Variants in EXTL3 observed in about 807,000 individuals in gnomAD.
The protein encoded by EXTL3 is exostosin-like 3.
Under a neutral mutation model 69.3 loss-of-function variants are expected in EXTL3, and 27 were observed. The observed-to-expected ratio is 0.39, with a 90% CI of 0.29 to 0.54. The LOEUF (loss-of-function observed/expected upper bound fraction) is 0.54, where lower values mean the gene tolerates loss of function less well. EXTL3 is among the 20% of genes least tolerant of loss of function. EXTL3 has a pLI of 0.69. For synonymous variants in EXTL3, 511 were observed against 499.4 expected, an observed-to-expected ratio of 1.02 and a Z score of -0.31; for missense variants, 1,003 against 1,231.8, an observed-to-expected ratio of 0.81 and a Z score of 2.78.
At chr8:28,726,308 A>T (rs1801411877) in intron 3 of EXTL3, among the ~76,000 whole-genome samples, 1 of 152,126 alleles carries the variant, frequency 6.6e-6, no homozygotes. Flanking sequence ...GCCAGAATGG[A>T]TAATAGTTGG....
At chr8:28,736,038 C>T (rs985461408) in intron 4 of EXTL3, among the ~76,000 whole-genome samples, 10 of 151,964 alleles carry the variant, frequency 6.6e-5, no homozygotes, top group Non-Finnish European at 8.8e-5. Flanking sequence ...ACAGAGTTTC[C>T]GTTTGGGAAG....
chr8:28,726,457 A>C (rs1312573697), intron 3 of EXTL3, among the ~76,000 whole-genome samples: 1 of 152,198 alleles, frequency 6.6e-6, no homozygotes, highest in Non-Finnish European at 1.5e-5. Flanking sequence ...TTGCGGCTAT[A>C]GGGAAAAGGG....
chr8:28,715,130 G>C (rs1402652273), intron 2 of EXTL3, among the ~76,000 whole-genome samples: 3 of 152,310 alleles, frequency 2.0e-5, no homozygotes, highest in South Asian at 2.1e-4. Context: ...GAGCTTTTCA[G>C]AGTCTTTTTT....
chr8:28,698,891 G>A (rs140962444), upstream of EXTL3, among the ~76,000 whole-genome samples: 163 of 152,358 alleles, frequency 1.1e-3, 1 homozygote, highest in Middle Eastern at 3.4e-3. Flanking sequence ...TTACTCGGGA[G>A]GGTGGGGCAG....
chr8:28,644,773 T>A (rs1341335811), intron 1 of EXTL3, among the ~76,000 whole-genome samples: 2 of 152,240 alleles, frequency 1.3e-5, no homozygotes, highest in Non-Finnish European at 2.9e-5. Context: ...AACTACCTAC[T>A]CTCCTACTGT....
intron 2 of EXTL3, among the ~76,000 whole-genome samples, chr8:28,615,634 C>G (rs1369294237): frequency 1.3e-5 from 2 of 152,128 alleles, no homozygotes; most frequent in African/African-American, 4.8e-5. Flanking sequence ...GTGGCTTGAT[C>G]TCAGCTCCCT....
intron 1 of EXTL3, among the ~76,000 whole-genome samples, chr8:28,670,402 T>G (rs764266920): frequency 7.9e-5 from 12 of 152,068 alleles, no homozygotes; most frequent in Admixed American, 2.0e-4. Flanking sequence ...TAGTATAGAA[T>G]TGACTCACAC....
At chr8:28,692,789 A>C (rs1200484217) in intron 1 of EXTL3, among the ~76,000 whole-genome samples, 1 of 152,184 alleles carries the variant, frequency 6.6e-6, no homozygotes, top group Non-Finnish European at 1.5e-5. Flanking sequence ...ATCTATGAAT[A>C]ACTTTTTTTT....
chr8:28,737,809 CAAT>C (rs1801684017), intron 5 of EXTL3, 146 bp downstream of exon 5: 1 of 959,350 alleles, frequency 1.0e-6, no homozygotes, highest in Non-Finnish European at 1.7e-6. Flanking sequence ...TTTTTACAGA[CAAT>C]GATCAAGATG....
Position 28,677,285 on chromosome 8 carries a change from G to A in EXTL3, c.-52-36172G>A, listed in dbSNP as rs188150679. 3.7e-4 allele frequency among the ~76,000 whole-genome samples: 57 copies of A among 152,104 alleles called. 1 individual carries two copies. Among genetic ancestry groups the A allele is most frequent in the South Asian group, 1.0e-3 (5 of 4,810 alleles). On this transcript the variant is annotated intron_variant, in intron 1 of 6. Coordinates refer to the EXTL3 transcript ENST00000523149. ...GGAAGATGATTTCTTGTCACTTCCC[G>A]TCCTTTTATTATTTTTTTAAAAATC...
intron 1 of EXTL3, among the ~76,000 whole-genome samples, chr8:28,709,103 A>AG (rs1419771048): frequency 6.6e-6 from 1 of 152,220 alleles, no homozygotes; most frequent in South Asian, 2.1e-4. Context: ...AAGGCATTAA[A>AG]GGTATGAGCT....
intron 1 of EXTL3, among the ~76,000 whole-genome samples, chr8:28,674,840 T>A (rs1174633653): frequency 6.6e-6 from 1 of 152,104 alleles, no homozygotes; most frequent in Non-Finnish European, 1.5e-5. Context: ...CAACCCTCAG[T>A]GGTATTGGTC....
At chr8:28,643,571 C>T (rs1806780151) in intron 1 of EXTL3, among the ~76,000 whole-genome samples, 1 of 151,812 alleles carries the variant, frequency 6.6e-6, no homozygotes, top group Non-Finnish European at 1.5e-5. Context: ...CCCGCTACCA[C>T]ACCCGGCTAA....
chr8:28,638,938 A>T (rs1425201423), intron 1 of EXTL3, among the ~76,000 whole-genome samples: 5 of 136,234 alleles, frequency 3.7e-5, no homozygotes, highest in South Asian at 2.3e-4. Flanking sequence ...GCTAGGAATA[A>T]TTTTTTTTTT....
chr8:28,635,753 CAG>C (rs1452306655), intron 1 of EXTL3, among the ~76,000 whole-genome samples: 12 of 121,266 alleles, frequency 9.9e-5, no homozygotes, highest in Non-Finnish European at 2.0e-4. Context: ...ACTATTCAAA[CAG>C]AATATTCATG....
At chr8:28,672,099 A>G (rs1807303449) in intron 1 of EXTL3, among the ~76,000 whole-genome samples, 1 of 152,114 alleles carries the variant, frequency 6.6e-6, no homozygotes, top group South Asian at 2.1e-4. Flanking sequence ...TGTAATTGTG[A>G]TAACTGTTTG....
At chr8:28,653,215 G>A (rs1435109373) in intron 1 of EXTL3, among the ~76,000 whole-genome samples, 1 of 152,038 alleles carries the variant, frequency 6.6e-6, no homozygotes, top group African/African-American at 2.4e-5. Flanking sequence ...ATTTTAAAAT[G>A]GGATTGTTTT....
intron 1 of EXTL3, among the ~76,000 whole-genome samples, chr8:28,686,353 G>GAAA (rs1053663243): frequency 4.7e-5 from 7 of 150,174 alleles, no homozygotes; most frequent in African/African-American, 1.7e-4. Context: ...AAAAAGAAAA[G>GAAA]AAAAAAATTG....
intron 1 of EXTL3, among the ~76,000 whole-genome samples, chr8:28,703,785 A>G (rs919172342): frequency 2.0e-5 from 3 of 152,056 alleles, no homozygotes; most frequent in African/African-American, 7.2e-5. Flanking sequence ...AAAACTGCCT[A>G]CTCCATTCGC....
Sources: gnomAD v4.1 joint callset for allele counts (sites outside exome capture counted in the v4.1 genomes callset) on GRCh38, gnomAD v4.1.1 for gene constraint, MANE v1.5 for transcripts, NCBI Gene and HGNC (gene_info 2026-07-23, HGNC 2026-07-21) for gene names.